ZNF44: variants seen among roughly 807,000 people sequenced by gnomAD.
ZNF44 encodes the protein gonadotropin inducible transcription repressor-2.
A neutral mutation model predicts 11.7 loss-of-function variants in ZNF44; 9 were observed. The observed-to-expected ratio is 0.77, with a 90% CI of 0.46 to 1.35. The LOEUF is 1.35. ZNF44 is among the 40% of genes most tolerant of loss of function. The pLI is 0.00. For missense variants in ZNF44, 696 were observed against 743.1 expected (o/e 0.94, Z 0.74); for synonymous variants, 224 against 242.7 (o/e 0.92, Z 0.72).
chr19:12,272,980 T>C lies in ZNF44; in HGVS notation c.1275A>G (p.Gln425=). The part of the protein sequence containing the change: ...HTGEKPYECK[Q]CGKAFRTSSS... ...TGGAAGTACGGAAGGCTTTCCCACA[T>C]TGCTTGCATTCATAGGGTTTCTCTC... The change falls in exon 4 of 4, where the codon CAA becomes CAG. Residue 425 remains glutamine (Q), a synonymous_variant. Transcript: ENST00000355684. 1 of 1,613,536 alleles carries C rather than the reference T, an allele frequency of 6.2e-7. No individual in the cohort carries two copies. Among genetic ancestry groups the C allele is most frequent in the East Asian group, 2.2e-5 (1 of 44,790 alleles).
chr19:12,266,569 A>G (rs543769964), intron 5 of ZNF44, among the ~76,000 whole-genome samples: 7 of 152,244 alleles, frequency 4.6e-5, no homozygotes, highest in African/African-American at 1.7e-4. Context: ...GACACAGTGC[A>G]GAGAGGAGAG....
At chr19:12,265,798 T>C (rs779473354) in intron 5 of ZNF44, among the ~76,000 whole-genome samples, 8 of 152,168 alleles carry the variant, frequency 5.3e-5, no homozygotes, top group Admixed American at 1.3e-4. Flanking sequence ...CTGTGGAAAA[T>C]AGATTATTAA....
At chr19:12,257,003 T>C (rs1157572214) in intron 5 of ZNF44, among the ~76,000 whole-genome samples, 7 of 152,170 alleles carry the variant, frequency 4.6e-5, no homozygotes, top group African/African-American at 1.7e-4. Context: ...CCACTGCTCC[T>C]GGCCAGCAAT....
At chr19:12,261,158 C>T (rs2145705538) in intron 5 of ZNF44, among the ~76,000 whole-genome samples, 1 of 152,280 alleles carries the variant, frequency 6.6e-6, no homozygotes, top group South Asian at 2.1e-4. Flanking sequence ...TGGGGCTGGG[C>T]GCAAGTTCCT....
At chr19:12,246,037 G>A (rs1916759943), downstream of ZNF44, among the ~76,000 whole-genome samples, 1 of 152,122 alleles carries the variant, frequency 6.6e-6, no homozygotes, top group African/African-American at 2.4e-5. Context: ...GGATTTTCCT[G>A]CAAGCCCTCA....
At chr19:12,248,018 T>C (rs1038141247) in exon 8 of ZNF44, 1 of 1,340,820 alleles carries the variant, frequency 7.5e-7, no homozygotes, top group South Asian at 1.2e-5. Flanking sequence ...TCCCACATTT[T>C]TTACATTCAT....
intron 1 of ZNF44, among the ~76,000 whole-genome samples, chr19:12,279,252 G>A (rs893747097): frequency 2.0e-5 from 3 of 152,122 alleles, no homozygotes; most frequent in African/African-American, 7.2e-5. Context: ...CAGGTGCAGT[G>A]GCTGAAGCCT....
chr19:12,237,780 C>G (rs550317578), upstream of ZNF44: 2 of 151,144 alleles, frequency 1.3e-5, no homozygotes, highest in African/African-American at 4.9e-5. Flanking sequence ...CCCACCCCCC[C>G]GCCCAGGCCA....
At chr19:12,253,853 C>A (rs1049373767) in intron 5 of ZNF44, among the ~76,000 whole-genome samples, 1 of 152,108 alleles carries the variant, frequency 6.6e-6, no homozygotes, top group Non-Finnish European at 1.5e-5. Context: ...GTGGCAGGTG[C>A]CTGTAATCCC....
intron 5 of ZNF44, among the ~76,000 whole-genome samples, chr19:12,251,299 C>T (rs940391561): frequency 2.0e-5 from 3 of 149,192 alleles, no homozygotes; most frequent in African/African-American, 7.5e-5. Flanking sequence ...CATTGCACTC[C>T]AGCCTGGGCA....
intron 5 of ZNF44, among the ~76,000 whole-genome samples, chr19:12,265,702 C>CTTCCAAGATAG (rs1252939401): frequency 1.3e-5 from 2 of 152,178 alleles, no homozygotes; most frequent in African/African-American, 4.8e-5. Flanking sequence ...ATACAACTAA[C>CTTCCAAGATAG]TTCCAAGCTG....
Position 12,273,329 on chromosome 19 carries a change from T to TA in ZNF44, c.925dup (p.Tyr309LeufsTer4). 1 of 1,614,020 alleles carries TA rather than the reference T, an allele frequency of 6.2e-7. No homozygotes were observed. Among genetic ancestry groups the TA allele is most frequent in the Non-Finnish European group, 8.5e-7 (1 of 1,179,962 alleles). ...CGCTTTCCCACACTGTTTACATGTA[T>TA]AGGGTTTCTCTCCAGTGTGAATTCT... On this transcript the variant is annotated frameshift_variant, in exon 4 of 4. Coordinates refer to ENST00000355684, the MANE Select transcript of ZNF44 (RefSeq NM_016264.4). LOFTEE classifies it low-confidence loss of function (END_TRUNC).
chr19:12,271,423 T>C (rs571636957), downstream of ZNF44, among the ~76,000 whole-genome samples: 88 of 152,328 alleles, frequency 5.8e-4, 1 homozygote, highest in African/African-American at 2.1e-3. Flanking sequence ...AGAGTCAACA[T>C]CTTCAATCAG....
At chr19:12,264,092 A>G (rs1198652640) in intron 5 of ZNF44, among the ~76,000 whole-genome samples, 1 of 152,138 alleles carries the variant, frequency 6.6e-6, no homozygotes, top group African/African-American at 2.4e-5. Context: ...GTATCAAACG[A>G]AACAACAACT....
chr19:12,239,443 T>TG (rs199717349), upstream of ZNF44, among the ~76,000 whole-genome samples: 26 of 135,126 alleles, frequency 1.9e-4, no homozygotes, highest in Middle Eastern at 4.3e-3. Flanking sequence ...TTAAACAAGA[T>TG]GGGGGTCTCA....
At chr19:12,292,053 G>A (rs1968030393) in intron 1 of ZNF44, among the ~76,000 whole-genome samples, 3 of 151,830 alleles carry the variant, frequency 2.0e-5, no homozygotes, top group African/African-American at 7.3e-5. Context: ...TAGGGCCTGG[G>A]TCCAGTGGCT....
At chr19:12,267,112 TC>T, downstream of ZNF44, among the ~76,000 whole-genome samples, 1 of 151,324 alleles carries the variant, frequency 6.6e-6, no homozygotes. Context: ...TGGCATGATC[TC>T]GGGTCACTGC....
chr19:12,238,319 A>C (rs1916471415), upstream of ZNF44, among the ~76,000 whole-genome samples: 1 of 151,532 alleles, frequency 6.6e-6, no homozygotes. Flanking sequence ...GTGAAACCCC[A>C]TTCTCTACTA....
chr19:12,226,412 T>A (rs1368558273), exon 4 of ZNF44: 1 of 152,224 alleles, frequency 6.6e-6, no homozygotes, highest in Non-Finnish European at 1.5e-5. Context: ...ACATGAAATC[T>A]GAGGCCAGCT....
Sources: gnomAD v4.1 joint callset for allele counts (sites outside exome capture counted in the v4.1 genomes callset) on GRCh38, gnomAD v4.1.1 for gene constraint, MANE v1.5 for transcripts, NCBI Gene and HGNC (gene_info 2026-07-23, HGNC 2026-07-21) for gene names.